The following RAD21 variants were observed in gnomAD, a reference collection of about 807,000 sequenced individuals.
RAD21 encodes the protein RAD21 cohesin complex component, also known as double-strand-break repair protein rad21 homolog.
In RAD21, 18 loss-of-function variants were observed where a neutral mutation model predicts 71.5. The ratio of observed to expected loss-of-function variants is 0.25; its 90% confidence interval spans 0.17 to 0.37. The LOEUF (loss-of-function observed/expected upper bound fraction) is 0.37. RAD21 is among the 10% of genes least tolerant of loss of function. The probability of loss-of-function intolerance (pLI) is 1.00; values close to 1 mark genes in which losing one functional copy is unlikely to be tolerated. For synonymous variants in RAD21, 248 were observed against 254.0 expected (o/e 0.98, Z 0.22); for missense variants, 493 against 769.1 (o/e 0.64, Z 4.25).
intron 9 of RAD21, 138 bp downstream of exon 9, chr8:116,854,107 T>C: frequency 3.1e-6 from 2 of 642,246 alleles, no homozygotes; most frequent in East Asian, 2.7e-5. Context: ...CCCAGTACAC[T>C]GTGATTTAAG....
intron 11 of RAD21, chr8:116,851,218 G>A: frequency 6.6e-6 from 1 of 152,594 alleles, no homozygotes; most frequent in Non-Finnish European, 1.5e-5. Flanking sequence ...TAAAACCAAA[G>A]TCTTTAAAAG....
chr8:116,850,211 CAA>C (rs982600201), intron 12 of RAD21, among the ~76,000 whole-genome samples: 6 of 152,092 alleles, frequency 3.9e-5, no homozygotes, highest in Admixed American at 1.3e-4. Flanking sequence ...AAAACAAAAA[CAA>C]AACCCAGACA....
chr8:116,867,502 T>C (rs1049731164), intron 1 of RAD21, among the ~76,000 whole-genome samples: 7 of 152,208 alleles, frequency 4.6e-5, no homozygotes, highest in African/African-American at 1.7e-4. Context: ...TCTAATGTAT[T>C]AAGAAAGGCC....
At chr8:116,861,702 A>C in intron 4 of RAD21, 139 bp downstream of exon 4, 1 of 491,894 alleles carries the variant, frequency 2.0e-6, no homozygotes, top group Non-Finnish European at 3.5e-6. Flanking sequence ...TTCCATATTT[A>C]TATACTATCC....
chr8:116,873,215 T>C (rs1812871373), intron 1 of RAD21, among the ~76,000 whole-genome samples: 1 of 152,204 alleles, frequency 6.6e-6, no homozygotes, highest in African/African-American at 2.4e-5. Context: ...TTAGAATTTG[T>C]ATGTTTCACA....
At position 116,854,412 on chromosome 8, in the gene RAD21, A is replaced by G. The variant is rs1264554623; in HGVS notation, c.994T>C (p.Leu332=). Residue 332 remains leucine (L), a synonymous_variant, in exon 9 of 14, where the codon TTG becomes CTG. Transcript: ENST00000297338. ...RKLIVDSVKE[L]DSKTIRAQLS... is the part of the protein sequence containing the mutation. ...TGGGCTCTAATTGTCTTGCTATCCAACTCTTTGACACTGTCAACAATTAGC... is the reference window on the plus strand; with the variant it reads ...TGGGCTCTAATTGTCTTGCTATCCAGCTCTTTGACACTGTCAACAATTAGC... 1 of 1,612,966 alleles carries G rather than the reference A, an allele frequency of 6.2e-7. No homozygotes were observed. Among genetic ancestry groups the G allele is most frequent in the South Asian group, 1.1e-5 (1 of 91,008 alleles).
At chr8:116,864,000 A>C (rs1812643000) in intron 2 of RAD21, among the ~76,000 whole-genome samples, 1 of 152,162 alleles carries the variant, frequency 6.6e-6, no homozygotes, top group South Asian at 2.1e-4. Context: ...ACCGATTTAA[A>C]AAAAAAAGTT....
In RAD21 at chr8:116,856,200, T is replaced by C. The variant is rs1466415949; in HGVS notation, c.903A>G (p.Glu301=). The C allele has an allele frequency of 2.5e-6, 4 of 1,609,486 alleles. No individual in the cohort carries two copies. The highest frequency in any genetic ancestry group is 1.1e-5 in the South Asian group (1 of 90,652). The change falls in exon 8 of 14, where the codon GAA becomes GAG. Residue 301 remains glutamate (E), a synonymous_variant. Coordinates refer to ENST00000297338, the MANE Select transcript of RAD21 (RefSeq NM_006265.3). The part of the protein sequence containing the change: ...TDQTTLVPNE[E]EAFALEPIDI... ...CAATAGGCTCCAATGCAAATGCTTC[T>C]TCCTCATTTGGAACAAGTGTTGTTT...
At chr8:116,865,992 T>C (rs892753457) in intron 2 of RAD21, among the ~76,000 whole-genome samples, 3 of 152,318 alleles carry the variant, frequency 2.0e-5, no homozygotes, top group East Asian at 1.9e-4. Context: ...CGTGGTGTTA[T>C]ACATTTTATT....
In RAD21 at chr8:116,856,131, G is replaced by T. The variant is rs1482232368; in HGVS notation, c.937+35C>A. ...AAAACCAGAAATAGGACCTTATGTT[G>T]TATGCTGTATAAATCTAAAGGTTCA... On this transcript the variant is annotated intron_variant, in intron 8 of 13. Coordinates refer to ENST00000297338, the MANE Select transcript of RAD21 (RefSeq NM_006265.3). 4 of 1,593,014 alleles carry T rather than the reference G, an allele frequency of 2.5e-6. No individual in the cohort carries two copies. The South Asian group carries it at 4.5e-5, about 18-fold the overall frequency.
rs1261427579 is a variant in RAD21, at chr8:116,847,556, C to G, written c.1840G>C (p.Glu614Gln). The change falls in exon 14 of 14, where the codon GAA (glutamate) becomes CAA (glutamine). Residue 614 changes from glutamate (E) to glutamine (Q), a missense_variant. Physicochemically the swap from Glu to Gln is conservative, Grantham distance 29. Coordinates refer to ENST00000297338, the MANE Select transcript of RAD21 (RefSeq NM_006265.3). ...GCGATGATGTCACTGTACGGTTCTT[C>G]CTGTGTCAGCTCAATAGCTTGCTGC... Reference protein sequence around the residue: ...KKQQAIELTQEEPYSDIIATP... With the variant: ...KKQQAIELTQQEPYSDIIATP... 1.2e-6 allele frequency: 2 copies of G among 1,613,928 alleles called. No homozygotes were observed. Among genetic ancestry groups the G allele is most frequent in the African/African-American group, 2.7e-5 (2 of 74,908 alleles).
intron 8 of RAD21, among the ~76,000 whole-genome samples, chr8:116,854,724 T>C (rs1391799497): frequency 6.6e-6 from 1 of 152,100 alleles, no homozygotes; most frequent in Non-Finnish European, 1.5e-5. Flanking sequence ...ATAAGCAAAA[T>C]GACGCAAGGG....
At position 116,866,752 on chromosome 8, in the gene RAD21, A is replaced by G. The variant is rs1458576833; in HGVS notation, c.-23T>C. The G allele has an allele frequency of 6.3e-7, 1 of 1,576,722 alleles. No individual in the cohort carries two copies. Among genetic ancestry groups the G allele is most frequent in the East Asian group, 2.3e-5 (1 of 44,218 alleles). ...CATTGTTCTGGCTGGCTATGAAAAC[A>G]GAAGAAAACCTAAGAGGGGAAAAAA... On this transcript the variant is annotated 5_prime_UTR_variant, in exon 2 of 14. Transcript: ENST00000297338.
At chr8:116,870,625 T>C (rs16889105) in intron 1 of RAD21, among the ~76,000 whole-genome samples, 24,957 of 152,106 alleles carry the variant, frequency 0.16, 2,501 homozygotes, top group East Asian at 0.38. Context: ...TAGAGAACTT[T>C]ACAGAAATCC....
In RAD21 at chr8:116,851,736, C is replaced by A. The variant is rs1266483889; in HGVS notation, c.1470+212G>T. 9.1e-6 allele frequency: 4 copies of A among 440,430 alleles called. No individual in the cohort carries two copies. The East Asian group carries it at 1.3e-4, about 14-fold the overall frequency. 27.3% of individuals were successfully genotyped at this position (440,430 alleles called of 1,614,324 possible). On this transcript the variant is annotated intron_variant, in intron 11 of 13. Transcript: ENST00000297338. Reference sequence around the variant, plus strand: ...TGGAGCACTCTAAAGCAATACTATTCAAAAAGAGTCAGGAAAGACTGCACC... The same window carrying A: ...TGGAGCACTCTAAAGCAATACTATTAAAAAAGAGTCAGGAAAGACTGCACC...
At position 116,853,164 on chromosome 8, in the gene RAD21, C is replaced by G. The variant is rs374619287; in HGVS notation, c.1162-456G>C. ...CACAATCTCAGCTCATTGCAACCTC[C>G]GCGCCCCCGGTTCAAGTGATTCTTG... On this transcript the variant is annotated intron_variant, in intron 9 of 13. Transcript: ENST00000297338. Among the ~76,000 whole-genome samples the G allele has an allele frequency of 2.0e-5, 3 of 152,178 alleles. 1 individual carries two copies. The South Asian group carries it at 6.2e-4, about 32-fold the overall frequency.
At chr8:116,861,676 C>T (rs1006387102) in intron 4 of RAD21, among the ~76,000 whole-genome samples, 165 bp downstream of exon 4, 4 of 151,850 alleles carry the variant, frequency 2.6e-5, no homozygotes, top group African/African-American at 9.7e-5. Flanking sequence ...AGAAGAACAA[C>T]TTTCTAGGTT....
At chr8:116,871,660 G>A (rs1490408678) in intron 1 of RAD21, among the ~76,000 whole-genome samples, 1 of 152,096 alleles carries the variant, frequency 6.6e-6, no homozygotes, top group Non-Finnish European at 1.5e-5. Context: ...CAATACAAAA[G>A]ATATACTTGG....
At position 116,846,095 on chromosome 8, in the gene RAD21, A is replaced by G. The variant is rs1277158669; in HGVS notation, c.*1405T>C. On this transcript the variant is annotated 3_prime_UTR_variant, in exon 14 of 14. Transcript: ENST00000297338. The stretch of plus-strand genomic sequence containing the variant: ...AAAATCAAACATTCAATTATCTACA[A>G]TGTCTTTTTACAAACGGGGAAAACT... 1.3e-5 allele frequency: 3 copies of G among 230,892 alleles called. No homozygotes were observed. Among genetic ancestry groups the G allele is most frequent in the African/African-American group, 6.6e-5 (3 of 45,192 alleles). The allele number at this position is 230,892 out of a possible 1,614,324, so 14.3% of individuals were successfully genotyped here. A position where few individuals can be genotyped will look rare whatever the true frequency, so the allele number is the denominator to read the frequency against.
Sources: allele counts gnomAD v4.1 joint callset (sites outside exome capture counted in the v4.1 genomes callset), GRCh38; gene constraint gnomAD v4.1.1; transcripts MANE v1.5; gene names NCBI Gene and HGNC (gene_info 2026-07-23, HGNC 2026-07-21).